ITGA2: variants seen among roughly 807,000 people sequenced by gnomAD.
ITGA2 encodes the protein integrin alpha-2.
In ITGA2, 101 loss-of-function variants were observed where a neutral mutation model predicts 146.3. The ratio of observed to expected loss-of-function variants is 0.69; its 90% confidence interval spans 0.59 to 0.81. ITGA2 has a LOEUF of 0.81. ITGA2 is among the 40% of genes least tolerant of loss of function. ITGA2 has a pLI of 0.00. For synonymous variants in ITGA2, 477 were observed against 487.1 expected, an observed-to-expected ratio of 0.98 and a Z score of 0.27; for missense variants, 1,281 against 1,402.7, an observed-to-expected ratio of 0.91 and a Z score of 1.39.
chr5:53,081,514 A>T, intron 25 of ITGA2, 78 bp from the exon 26 acceptor site: 1 of 1,118,670 alleles, frequency 8.9e-7, no homozygotes, highest in Non-Finnish European at 1.3e-6. Context: ...AAGTGACAGT[A>T]GGATTTCCTA....
chr5:53,063,528 T>A (rs1744997875), intron 13 of ITGA2, among the ~76,000 whole-genome samples: 1 of 149,594 alleles, frequency 6.7e-6, no homozygotes, highest in Admixed American at 6.7e-5. Context: ...ACTCTCTAAA[T>A]CCATGTATAT....
intron 1 of ITGA2, among the ~76,000 whole-genome samples, chr5:53,019,400 C>T (rs1283271068): frequency 1.3e-5 from 2 of 152,148 alleles, no homozygotes; most frequent in Admixed American, 1.3e-4. Flanking sequence ...TCACTCCATC[C>T]TGCCCAGGAT....
chr5:53,021,563 A>C (rs896118367), intron 1 of ITGA2, among the ~76,000 whole-genome samples: 2 of 152,090 alleles, frequency 1.3e-5, no homozygotes, highest in African/African-American at 4.8e-5. Context: ...TCACTATTGC[A>C]CCACGGCCCC....
At position 53,083,404 on chromosome 5, in the gene ITGA2, A is replaced by T; in HGVS notation, c.3209A>T (p.Glu1070Val). 6.2e-7 allele frequency: 1 copy of T among 1,613,476 alleles called. No homozygotes were observed. The highest frequency in any genetic ancestry group is 8.5e-7 in the Non-Finnish European group (1 of 1,179,454). The stretch of plus-strand genomic sequence containing the variant: ...TTGAAAGACGTTCACATGAAAGGAG[A>T]ATACTTTGTTAATGTGACTACCAGA... The part of the protein sequence containing the change: ...CWLKDVHMKG[E>V]YFVNVTTRIW... The change falls in exon 27 of 30, where the codon GAA becomes GTA. Residue 1070 changes from glutamate (E) to valine (V), a missense_variant. Glu to Val is a moderately radical substitution (Grantham distance 121). This residue lies in a region of ITGA2 where 475 missense variants were observed against 530.5 expected (regional missense o/e 0.90). Transcript: ENST00000296585.
intron 10 of ITGA2, among the ~76,000 whole-genome samples, chr5:53,059,349 G>T (rs1430246891): frequency 6.6e-6 from 1 of 151,908 alleles, no homozygotes; most frequent in African/African-American, 2.4e-5. Flanking sequence ...TTTGAGAAGG[G>T]GTCAGGAAGA....
Position 52,989,393 on chromosome 5 carries a change from G to C in ITGA2, c.-76G>C. 1 of 1,467,208 alleles carries C rather than the reference G, an allele frequency of 6.8e-7. No individual in the cohort carries two copies. The highest frequency in any genetic ancestry group is 9.6e-7 in the Non-Finnish European group (1 of 1,046,614). The allele number at this position is 1,467,208 out of a possible 1,614,324, so 90.9% of individuals were successfully genotyped here. ...CAGCTTCTAGAGTGTGCAGGTTCTC[G>C]TATCCCTCGGCCAAGGGTATCCTCT... On this transcript the variant is annotated 5_prime_UTR_variant, in exon 1 of 30. Coordinates refer to ENST00000296585, the MANE Select transcript of ITGA2 (RefSeq NM_002203.4).
At chr5:53,010,717 G>T (rs965730012) in intron 1 of ITGA2, among the ~76,000 whole-genome samples, 4 of 152,140 alleles carry the variant, frequency 2.6e-5, no homozygotes, top group Admixed American at 2.0e-4. Context: ...TTTGCATGTG[G>T]CATGAATGTG....
chr5:53,064,838 C>T, intron 13 of ITGA2, 74 bp from the exon 14 acceptor site: 1 of 1,445,636 alleles, frequency 6.9e-7, no homozygotes, highest in South Asian at 1.1e-5. Flanking sequence ...AGCCACCACA[C>T]CCAGCTGCTC....
chr5:53,054,614 C>T (rs1005980623), intron 7 of ITGA2, among the ~76,000 whole-genome samples: 1 of 152,120 alleles, frequency 6.6e-6, no homozygotes, highest in East Asian at 1.9e-4. Context: ...TTCATATGGT[C>T]CTCCAAATAA....
At chr5:53,028,727 A>G (rs1743074218) in intron 2 of ITGA2, among the ~76,000 whole-genome samples, 1 of 152,190 alleles carries the variant, frequency 6.6e-6, no homozygotes, top group Non-Finnish European at 1.5e-5. Context: ...GCACAAGCTA[A>G]TGAGGCCAAA....
intron 1 of ITGA2, among the ~76,000 whole-genome samples, chr5:53,025,742 A>G (rs1223812928): frequency 1.3e-5 from 2 of 152,228 alleles, no homozygotes; most frequent in Admixed American, 1.3e-4. Flanking sequence ...TTTGATGTCA[A>G]TTTTAAAGAG....
At chr5:53,013,001 A>G (rs1742216951) in intron 1 of ITGA2, among the ~76,000 whole-genome samples, 3 of 151,988 alleles carry the variant, frequency 2.0e-5, no homozygotes, top group African/African-American at 7.2e-5. Context: ...TGGACATTTA[A>G]TCTTTTTCAG....
intron 1 of ITGA2, among the ~76,000 whole-genome samples, chr5:52,992,549 A>T (rs1445619297): frequency 1.3e-5 from 2 of 152,220 alleles, no homozygotes; most frequent in African/African-American, 4.8e-5. Flanking sequence ...CATGAAAGCC[A>T]GGAATTTGTC....
chr5:53,074,417 T>C lies in ITGA2; in HGVS notation c.2604T>C (p.Ala868=). ...VDGTEVTCQV[A]ASQKSVACDV... is the part of the protein sequence containing the mutation. ...GGACAGAAGTAACATGCCAGGTGGC[T>C]GCATCTCAGAAGTCTGTTGCCTGCG... The change falls in exon 21 of 30, where the codon GCT becomes GCC. Residue 868 remains alanine (A), a synonymous_variant. Transcript: ENST00000296585. 1 of 1,612,486 alleles carries C rather than the reference T, an allele frequency of 6.2e-7. No individual in the cohort carries two copies. The highest frequency in any genetic ancestry group is 8.5e-7 in the Non-Finnish European group (1 of 1,178,990).
Position 53,078,865 on chromosome 5 carries a change from C to T in ITGA2, c.2919C>T (p.Phe973=), listed in dbSNP as rs1200159418. The change falls in exon 24 of 30, where the codon TTC becomes TTT. Residue 973 remains phenylalanine (F), a synonymous_variant. Coordinates refer to ENST00000296585, the MANE Select transcript of ITGA2 (RefSeq NM_002203.4). ...AAGATGTTGGTCCAAAATTCATCTT[C>T]TCCCTGAAGGTTGGTAAGCCTGTCA... ...SFEDVGPKFI[F]SLKVTTGSVP... The T allele has an allele frequency of 1.3e-6, 2 of 1,593,800 alleles. No homozygotes were observed. The highest frequency in any genetic ancestry group is 1.7e-6 in the Non-Finnish European group (2 of 1,162,346).
intron 2 of ITGA2, among the ~76,000 whole-genome samples, chr5:53,028,091 G>A (rs897908196): frequency 1.9e-4 from 28 of 150,952 alleles, no homozygotes; most frequent in Non-Finnish European, 3.7e-4. Flanking sequence ...AAAAAAAAAA[G>A]AGGAAAAAAC....
chr5:53,010,456 G>A (rs1275285264), intron 1 of ITGA2, among the ~76,000 whole-genome samples: 1 of 152,136 alleles, frequency 6.6e-6, no homozygotes, highest in Non-Finnish European at 1.5e-5. Flanking sequence ...TGAAATGGGA[G>A]TGTCTATCAG....
intron 7 of ITGA2, among the ~76,000 whole-genome samples, chr5:53,054,560 T>C (rs1744536769): frequency 6.6e-6 from 1 of 152,132 alleles, no homozygotes; most frequent in African/African-American, 2.4e-5. Context: ...CAAAATGTCC[T>C]AAGCATCCAA....
At position 53,051,573 on chromosome 5, in the gene ITGA2, C is replaced by G; in HGVS notation, c.779+14C>G. The G allele has an allele frequency of 1.2e-6, 2 of 1,610,066 alleles. No homozygotes were observed. Among genetic ancestry groups the G allele is most frequent in the Non-Finnish European group, 1.7e-6 (2 of 1,176,838 alleles). ...TCAATATGCAAGGTAAGTTTTGGTG[C>G]TAATAGGCCAATGTTTTCATAATGT... On this transcript the variant is annotated intron_variant, in intron 7 of 29. Transcript: ENST00000296585.
Sources: gnomAD v4.1 joint callset for allele counts (sites outside exome capture counted in the v4.1 genomes callset) on GRCh38, gnomAD v4.1.1 for gene constraint, gnomAD v4.1.1 regional missense constraint, MANE v1.5 for transcripts, NCBI Gene and HGNC (gene_info 2026-07-23, HGNC 2026-07-21) for gene names.